The following TBC1D1 variants were observed in gnomAD, a reference collection of about 807,000 sequenced individuals.
The protein encoded by TBC1D1 is TBC1 (tre-2/USP6, BUB2, cdc16) domain family, member 1.
A neutral mutation model predicts 125.6 loss-of-function variants in TBC1D1; 89 were observed. The observed-to-expected ratio is 0.71, with a 90% CI of 0.60 to 0.85. TBC1D1 has a LOEUF of 0.85. Among genes scored for constraint, TBC1D1 ranks in the 40% least tolerant of loss-of-function variants. The pLI is 0.00. For missense variants in TBC1D1, 1,377 were observed against 1,469.2 expected (o/e 0.94, Z 1.03); for synonymous variants, 565 against 564.1 (o/e 1.00, Z -0.02).
intron 2 of TBC1D1, chr4:38,006,703 T>C (rs766043747): frequency 1.9e-5 from 6 of 315,660 alleles, no homozygotes; most frequent in Non-Finnish European, 3.1e-5. Context: ...ATGGGCTCAA[T>C]CTCCTGACCT....
chr4:38,130,407 G>A (rs942383727), intron 18 of TBC1D1, among the ~76,000 whole-genome samples: 2 of 152,010 alleles, frequency 1.3e-5, no homozygotes, highest in South Asian at 2.1e-4. Context: ...TTATCTTTTC[G>A]GCAAAACATC....
At chr4:37,929,415 C>A (rs770886220) in intron 2 of TBC1D1, among the ~76,000 whole-genome samples, 1 of 152,144 alleles carries the variant, frequency 6.6e-6, no homozygotes, top group Non-Finnish European at 1.5e-5. Context: ...ATTTAGCAAC[C>A]GCTGTACTCC....
chr4:37,992,328 AAAG>A (rs1342414390), intron 2 of TBC1D1, among the ~76,000 whole-genome samples: 1 of 152,106 alleles, frequency 6.6e-6, no homozygotes, highest in Non-Finnish European at 1.5e-5. Context: ...GAGCTGAGGG[AAAG>A]AAGGAGTAAG....
At chr4:37,982,049 G>C (rs1028014304) in intron 2 of TBC1D1, among the ~76,000 whole-genome samples, 1 of 152,164 alleles carries the variant, frequency 6.6e-6, no homozygotes, top group Admixed American at 6.5e-5. Flanking sequence ...TGTTGAGTAC[G>C]AGTACAACTT....
At chr4:37,909,647 C>CT (rs912868973) in intron 2 of TBC1D1, among the ~76,000 whole-genome samples, 10 of 152,198 alleles carry the variant, frequency 6.6e-5, no homozygotes, top group African/African-American at 2.4e-4. Flanking sequence ...ATTCTCACCT[C>CT]TTCCCCCTTC....
chr4:38,099,734 G>T (rs1287583108), intron 14 of TBC1D1, among the ~76,000 whole-genome samples: 2 of 152,186 alleles, frequency 1.3e-5, no homozygotes, highest in African/African-American at 2.4e-5. Flanking sequence ...CCACTGCCAG[G>T]TTTCTCTTGG....
intron 10 of TBC1D1, among the ~76,000 whole-genome samples, chr4:38,048,100 G>GTA (rs993195761): frequency 2.0e-4 from 31 of 152,274 alleles, no homozygotes; most frequent in Admixed American, 1.8e-3. Flanking sequence ...TGTATGTATT[G>GTA]TATATGTTTA....
intron 2 of TBC1D1, among the ~76,000 whole-genome samples, chr4:37,948,627 C>CA (rs34225328): frequency 0.013 from 1,831 of 144,100 alleles, 19 homozygotes; most frequent in Middle Eastern, 0.064. Context: ...GACTCTGTCT[C>CA]AAAAAAAAAA....
intron 11 of TBC1D1, 76 bp downstream of exon 11, chr4:38,049,974 T>C: frequency 6.8e-7 from 1 of 1,473,658 alleles, no homozygotes; most frequent in Non-Finnish European, 9.2e-7. Flanking sequence ...ATCCCAGGTA[T>C]GTTTATTGAG....
At chr4:38,075,792 T>C (rs765746339) in intron 12 of TBC1D1, among the ~76,000 whole-genome samples, 1 of 151,402 alleles carries the variant, frequency 6.6e-6, no homozygotes, top group Non-Finnish European at 1.5e-5. Flanking sequence ...GGTCACAGAG[T>C]CTCACTTCAG....
chr4:37,990,160 G>A (rs1736261370), intron 2 of TBC1D1, among the ~76,000 whole-genome samples: 1 of 152,170 alleles, frequency 6.6e-6, no homozygotes, highest in African/African-American at 2.4e-5. Context: ...GGTCTATTGT[G>A]ACAGTCTCTA....
intron 2 of TBC1D1, among the ~76,000 whole-genome samples, chr4:37,924,193 C>T (rs4832969): frequency 6.6e-6 from 1 of 151,926 alleles, no homozygotes; most frequent in African/African-American, 2.4e-5. Flanking sequence ...TCTCCTCCCC[C>T]ACACCACCCC....
At chr4:37,991,177 T>A (rs577602655) in intron 2 of TBC1D1, among the ~76,000 whole-genome samples, 1 of 152,340 alleles carries the variant, frequency 6.6e-6, no homozygotes, top group South Asian at 2.1e-4. Context: ...ATTTCCCAAA[T>A]GTAGTAAATC....
intron 9 of TBC1D1, 138 bp downstream of exon 9, chr4:38,044,628 A>C: frequency 7.9e-6 from 7 of 888,720 alleles, no homozygotes; most frequent in Non-Finnish European, 9.7e-6. Flanking sequence ...TCTCAGGCTT[A>C]TAACAGTATT....
chr4:37,920,156 G>A (rs1303199056), intron 2 of TBC1D1, among the ~76,000 whole-genome samples: 1 of 152,214 alleles, frequency 6.6e-6, no homozygotes, highest in Non-Finnish European at 1.5e-5. Flanking sequence ...CTGTGTGCCA[G>A]GCAGTGTGCT....
chr4:38,062,757 G>T (rs75242402), intron 12 of TBC1D1, among the ~76,000 whole-genome samples: 2,157 of 152,230 alleles, frequency 0.014, 27 homozygotes, highest in Non-Finnish European at 0.021. Flanking sequence ...AACACTGACT[G>T]AGCTTTTCCT....
intron 2 of TBC1D1, among the ~76,000 whole-genome samples, chr4:37,911,507 G>T (rs1424560860): frequency 6.6e-6 from 1 of 152,162 alleles, no homozygotes; most frequent in Non-Finnish European, 1.5e-5. Context: ...GTGGACTTGA[G>T]TGTGGTTGCT....
intron 15 of TBC1D1, chr4:38,112,057 ATGACAGTT>A (rs1383087361): frequency 1.0e-6 from 1 of 985,468 alleles, no homozygotes; most frequent in Non-Finnish European, 1.2e-6. Context: ...AAGAAAATCA[ATGACAGTT>A]TCTGAAACTG....
At chr4:37,926,525 C>A (rs1205027981) in intron 2 of TBC1D1, among the ~76,000 whole-genome samples, 3 of 152,198 alleles carry the variant, frequency 2.0e-5, no homozygotes, top group African/African-American at 4.8e-5. Flanking sequence ...CTGGCTCTGC[C>A]TTTTTGAGGC....
Sources: allele counts gnomAD v4.1 joint callset (sites outside exome capture counted in the v4.1 genomes callset), GRCh38; gene constraint gnomAD v4.1.1; transcripts MANE v1.5; gene names NCBI Gene and HGNC (gene_info 2026-07-23, HGNC 2026-07-21).